Variants in MROH1 observed in about 807,000 individuals in gnomAD.
The protein encoded by MROH1 is maestro heat-like repeat-containing protein family member 1.
MROH1 carries 117 observed loss-of-function variants against 116.5 expected under a neutral mutation model. The ratio of observed to expected loss-of-function variants is 1.00; its 90% confidence interval spans 0.86 to 1.17. The LOEUF is 1.17. Ranked by LOEUF, MROH1 falls within the 50% of genes most tolerant of loss-of-function variation. MROH1 has a pLI of 0.00. For missense variants in MROH1, 1,873 were observed against 1,338.5 expected (o/e 1.40, Z -6.23); for synonymous variants, 921 against 583.9 (o/e 1.58, Z -8.32).
At position 144,240,641 on chromosome 8, in the gene MROH1, G is replaced by C. The variant is rs1021469556; in HGVS notation, c.1899G>C (p.Arg633Ser). The C allele has an allele frequency of 5.3e-5, 38 of 717,430 alleles. No individual in the cohort carries two copies. The highest frequency in any genetic ancestry group is 8.6e-5 in the Non-Finnish European group (33 of 384,962). The allele number at this position is 717,430 out of a possible 1,614,324, so 44.4% of individuals were successfully genotyped here. The change falls in exon 20 of 44, where the codon AGG becomes AGC. Residue 633 changes from arginine (R) to serine (S), a missense_variant. Physicochemically the swap from Arg to Ser is moderately radical, Grantham distance 110. Coordinates refer to ENST00000326134, the MANE Select transcript of MROH1 (RefSeq NM_032450.3). ...WICQLSLELC[R>S]QLPCYDEAPQ... Reference sequence around the variant, plus strand: ...GCCAGCTGAGCCTGGAGCTGTGCAGGCAGCTGCCCTGCTACGATGAGGCAC... The same window carrying C: ...GCCAGCTGAGCCTGGAGCTGTGCAGCCAGCTGCCCTGCTACGATGAGGCAC...
In MROH1 at chr8:144,243,881, C is replaced by A; in HGVS notation, c.2494C>A (p.Pro832Thr). The A allele has an allele frequency of 1.3e-6, 1 of 780,048 alleles. No individual in the cohort carries two copies. The highest frequency in any genetic ancestry group is 2.4e-6 in the Non-Finnish European group (1 of 417,584). 48.3% of individuals were successfully genotyped at this position (780,048 alleles called of 1,614,324 possible). A position where few individuals can be genotyped will look rare whatever the true frequency, so the allele number is the denominator to read the frequency against. Reference protein sequence around the residue: ...AQMMEFIRAEPPDSLRTPIRK... With the variant: ...AQMMEFIRAETPDSLRTPIRK... ...CACCCAGGAGTTCATCAGGGCAGAG[C>A]CCCCGGACTCCTTGAGGACACCTAT... The change falls in exon 26 of 44, where the codon CCC becomes ACC. Residue 832 changes from proline (P) to threonine (T), a missense_variant. By Grantham distance (38) the Pro-to-Thr change is conservative. Coordinates refer to ENST00000326134, the MANE Select transcript of MROH1 (RefSeq NM_032450.3).
intron 1 of MROH1, among the ~76,000 whole-genome samples, chr8:144,160,743 A>G (rs1457161267): frequency 7.3e-6 from 1 of 137,500 alleles, no homozygotes; most frequent in Non-Finnish European, 1.5e-5. Flanking sequence ...CACCAGACAA[A>G]TTTATTACCA....
intron 7 of MROH1, among the ~76,000 whole-genome samples, chr8:144,188,006 G>A (rs1220053586): frequency 6.6e-6 from 1 of 152,186 alleles, no homozygotes; most frequent in Non-Finnish European, 1.5e-5. Context: ...GCGAGAAAAG[G>A]GTGTGAAACA....
At chr8:144,181,021 A>G (rs1254930123) in intron 7 of MROH1, among the ~76,000 whole-genome samples, 1 of 152,070 alleles carries the variant, frequency 6.6e-6, no homozygotes, top group African/African-American at 2.4e-5. Flanking sequence ...TGCCACTGAC[A>G]GTGGGGGAGT....
At chr8:144,185,171 G>A (rs903606540) in intron 7 of MROH1, among the ~76,000 whole-genome samples, 2 of 152,148 alleles carry the variant, frequency 1.3e-5, no homozygotes, top group South Asian at 2.1e-4. Context: ...GCAGCCTGCC[G>A]GTTCCACTGG....
intron 2 of MROH1, among the ~76,000 whole-genome samples, chr8:144,161,773 C>A (rs1167334618): frequency 1.3e-5 from 2 of 152,178 alleles, no homozygotes; most frequent in Non-Finnish European, 2.9e-5. Context: ...GCTGCACGGT[C>A]GTGGACTGGC....
intron 3 of MROH1, among the ~76,000 whole-genome samples, chr8:144,167,254 G>A (rs1410149305): frequency 6.8e-6 from 1 of 147,752 alleles, no homozygotes; most frequent in Non-Finnish European, 1.5e-5. Flanking sequence ...CGGTTGTTGG[G>A]GTGGAGTGGC....
In MROH1 at chr8:144,158,726, T is replaced by C. The variant is rs1366186650; in HGVS notation, c.-176-2244T>C. Among the ~76,000 whole-genome samples the C allele has an allele frequency of 3.3e-5, 5 of 151,192 alleles. 1 individual carries two copies. In the South Asian group the frequency reaches 1.0e-3, roughly 31 times the overall value. On this transcript the variant is annotated intron_variant, in intron 1 of 43. Coordinates refer to ENST00000326134, the MANE Select transcript of MROH1 (RefSeq NM_032450.3). The stretch of plus-strand genomic sequence containing the variant: ...GGTCAGAGAACATACTTTGTATGCA[T>C]TGACTTCTTTTACACTTTTTTTTTT...
At chr8:144,213,100 C>T (rs369400734) in intron 12 of MROH1, 14 of 776,236 alleles carry the variant, frequency 1.8e-5, no homozygotes, top group African/African-American at 1.0e-4. Context: ...ATCTAACGGC[C>T]GCGCCCGCGT....
At chr8:144,162,247 G>C (rs1282094861) in intron 2 of MROH1, among the ~76,000 whole-genome samples, 1 of 149,838 alleles carries the variant, frequency 6.7e-6, no homozygotes, top group Non-Finnish European at 1.5e-5. Context: ...ACCACACCCA[G>C]CTAATTTCTG....
At chr8:144,242,029 G>A (rs921590633) in intron 22 of MROH1, among the ~76,000 whole-genome samples, 1 of 152,382 alleles carries the variant, frequency 6.6e-6, no homozygotes, top group Admixed American at 6.5e-5. Context: ...GCGAGCAAGG[G>A]TGGGGCCTTG....
intron 12 of MROH1, chr8:144,214,571 T>C (rs993922746): frequency 2.6e-5 from 4 of 152,140 alleles, no homozygotes; most frequent in African/African-American, 9.7e-5. Context: ...TTGTTTGTTG[T>C]CTTGAATCTC....
At chr8:144,152,687 C>T (rs894713686) in intron 1 of MROH1, among the ~76,000 whole-genome samples, 9 of 152,106 alleles carry the variant, frequency 5.9e-5, no homozygotes, top group Non-Finnish European at 1.2e-4. Flanking sequence ...GCTGGGACTA[C>T]AGGCGCCCGC....
At chr8:144,237,351 G>A (rs1346600291) in intron 14 of MROH1, among the ~76,000 whole-genome samples, 5 of 152,198 alleles carry the variant, frequency 3.3e-5, no homozygotes, top group East Asian at 1.9e-4. Flanking sequence ...CTTCGAGCGC[G>A]CAGGCCCCTG....
Position 144,250,210 on chromosome 8 carries a change from A to G in MROH1, c.3274-2A>G, listed in dbSNP as rs908490057. Reference sequence around the variant, plus strand: ...TGACCACCGTGTCCCGCCCATCTACAGGTGCCCGAGATCGTGAGCGTCCTG... The same window carrying G: ...TGACCACCGTGTCCCGCCCATCTACGGGTGCCCGAGATCGTGAGCGTCCTG... On this transcript the variant is annotated splice_acceptor_variant, in intron 32 of 43. Coordinates refer to ENST00000326134, the MANE Select transcript of MROH1 (RefSeq NM_032450.3). LOFTEE classifies it high-confidence loss of function. The G allele has an allele frequency of 7.8e-5, 60 of 766,146 alleles. No individual in the cohort carries two copies. The highest frequency in any genetic ancestry group is 1.2e-5 in the Non-Finnish European group (5 of 416,788). 47.5% of individuals were successfully genotyped at this position (766,146 alleles called of 1,614,324 possible).
chr8:144,174,170 A>G (rs1360854560), intron 4 of MROH1, among the ~76,000 whole-genome samples: 2 of 152,168 alleles, frequency 1.3e-5, no homozygotes, highest in African/African-American at 4.8e-5. Flanking sequence ...CCAATTAGAA[A>G]AGGGTAGGTA....
Position 144,206,866 on chromosome 8 carries a change from C to A in MROH1, c.1141+6325C>A, listed in dbSNP as rs796885686. Among the ~76,000 whole-genome samples, 11 of 151,534 alleles carry A rather than the reference C, an allele frequency of 7.3e-5. No individual in the cohort carries two copies. In the East Asian group the frequency reaches 2.2e-3, roughly 31 times the overall value. On this transcript the variant is annotated intron_variant, in intron 12 of 43. Coordinates refer to ENST00000326134, the MANE Select transcript of MROH1 (RefSeq NM_032450.3). ...TGGCCAACATGGTGAAACCCTCTCT[C>A]TACTAAAAATACAAAAAAATGCCAG...
At chr8:144,232,512 G>T (rs1324981621) in intron 14 of MROH1, among the ~76,000 whole-genome samples, 1 of 143,832 alleles carries the variant, frequency 7.0e-6, no homozygotes, top group Non-Finnish European at 1.5e-5. Context: ...ATTTATTTTT[G>T]AGACAGAGTC....
Position 144,255,502 on chromosome 8 carries a change from C to A in MROH1, c.3595-7C>A. On this transcript the variant is annotated splice_polypyrimidine_tract_variant and splice_region_variant and intron_variant, in intron 34 of 43. Transcript: ENST00000326134. ...GAGGCATGGCCCTGTGATGACTTCT[C>A]CCCCAGGCTACCTGTGCACTGTTTG... The A allele has an allele frequency of 5.1e-6, 4 of 778,462 alleles. No individual in the cohort carries two copies. The highest frequency in any genetic ancestry group is 9.6e-6 in the Non-Finnish European group (4 of 417,728). 48.2% of individuals were successfully genotyped at this position (778,462 alleles called of 1,614,324 possible). A position where few individuals can be genotyped will look rare whatever the true frequency, so the allele number is the denominator to read the frequency against.
Sources: allele counts gnomAD v4.1 joint callset (sites outside exome capture counted in the v4.1 genomes callset), GRCh38; gene constraint gnomAD v4.1.1; transcripts MANE v1.5; gene names NCBI Gene and HGNC (gene_info 2026-07-23, HGNC 2026-07-21).